Variants in AGTPBP1 observed in about 807,000 individuals in gnomAD.
AGTPBP1 encodes cytosolic carboxypeptidase 1.
A neutral mutation model predicts 143.9 loss-of-function variants in AGTPBP1; 70 were observed. That is an observed-to-expected ratio of 0.49 (90% CI 0.40 to 0.59). AGTPBP1 has a LOEUF of 0.59. AGTPBP1 is among the 20% of genes least tolerant of loss of function. The pLI, the probability that AGTPBP1 is intolerant of heterozygous loss-of-function variation, is 0.00. For missense variants in AGTPBP1, 1,229 were observed against 1,464.5 expected (o/e 0.84, Z 2.62); for synonymous variants, 463 against 500.2 (o/e 0.93, Z 0.99).
intron 25 of AGTPBP1, among the ~76,000 whole-genome samples, chr9:85,553,569 T>TCC (rs1366321484): frequency 6.6e-6 from 1 of 152,198 alleles, no homozygotes; most frequent in African/African-American, 2.4e-5. Flanking sequence ...CGGGACATAA[T>TCC]CCCACTGTAA....
At chr9:85,802,926 A>G in the AGTPBP1 span, among the ~76,000 whole-genome samples, 10 of 152,384 alleles carry the variant, frequency 6.6e-5, no homozygotes, top group African/African-American at 2.4e-4. Context: ...CATGTTCTAT[A>G]ACTTAATACT....
intron 25 of AGTPBP1, among the ~76,000 whole-genome samples, chr9:85,565,569 A>C (rs1827030443): frequency 6.6e-6 from 1 of 152,210 alleles, no homozygotes; most frequent in Non-Finnish European, 1.5e-5. Flanking sequence ...AGAGAAAAGG[A>C]CAGGGGGGTG....
the AGTPBP1 span, among the ~76,000 whole-genome samples, chr9:85,761,156 C>T: frequency 4.6e-5 from 7 of 152,220 alleles, no homozygotes; most frequent in Non-Finnish European, 1.0e-4. Flanking sequence ...ATTCCATACT[C>T]ATGGGTAGGA....
At chr9:85,646,234 T>C (rs1046785107) in intron 12 of AGTPBP1, 87 bp downstream of exon 12, 136 of 829,622 alleles carry the variant, frequency 1.6e-4, no homozygotes, top group Middle Eastern at 1.4e-3. Context: ...AACCTAAAAT[T>C]ACATATATAT....
intron 2 of AGTPBP1, among the ~76,000 whole-genome samples, chr9:85,707,508 C>A (rs1330304042): frequency 4.0e-5 from 6 of 151,336 alleles, no homozygotes; most frequent in Non-Finnish European, 1.5e-5. Context: ...GAAAAAAAAA[C>A]AAAACACTAA....
chr9:85,717,312 T>A (rs1837769695), intron 1 of AGTPBP1, among the ~76,000 whole-genome samples: 1 of 152,116 alleles, frequency 6.6e-6, no homozygotes, highest in Non-Finnish European at 1.5e-5. Flanking sequence ...AAGACCAGCC[T>A]GGGCAATATA....
At chr9:85,663,037 C>T (rs1012439212) in intron 8 of AGTPBP1, among the ~76,000 whole-genome samples, 20 of 152,146 alleles carry the variant, frequency 1.3e-4, no homozygotes, top group African/African-American at 4.3e-4. Flanking sequence ...CACAGGGAGA[C>T]AGAACCTAGG....
At chr9:85,574,513 C>T (rs1270605529) in intron 25 of AGTPBP1, among the ~76,000 whole-genome samples, 3 of 150,030 alleles carry the variant, frequency 2.0e-5, no homozygotes, top group Non-Finnish European at 3.0e-5. Flanking sequence ...TCTGAGCCTA[C>T]AGCTTATCAA....
chr9:85,736,921 G>A (rs1224426862), intron 1 of AGTPBP1, among the ~76,000 whole-genome samples: 4 of 152,074 alleles, frequency 2.6e-5, no homozygotes, highest in East Asian at 1.9e-4. Flanking sequence ...CCTGGCTAAC[G>A]CGGTGAAACC....
chr9:85,589,983 A>G (rs1828855239), intron 19 of AGTPBP1, among the ~76,000 whole-genome samples: 1 of 152,200 alleles, frequency 6.6e-6, no homozygotes, highest in Non-Finnish European at 1.5e-5. Context: ...TCAATATTCT[A>G]AATAAACTCA....
At chr9:85,703,627 A>C (rs1836808588) in intron 2 of AGTPBP1, among the ~76,000 whole-genome samples, 1 of 152,244 alleles carries the variant, frequency 6.6e-6, no homozygotes, top group Non-Finnish European at 1.5e-5. Context: ...CTAGAGGATG[A>C]AAAGATTTGC....
Position 85,588,288 on chromosome 9 carries a change from C to T in AGTPBP1, c.2903+10G>A. Reference sequence around the variant, plus strand: ...TCTTGAATATATTCTACAACTATTGCTTAACTTACTTTCCATTGATGACAC... The same window carrying T: ...TCTTGAATATATTCTACAACTATTGTTTAACTTACTTTCCATTGATGACAC... On this transcript the variant is annotated intron_variant, in intron 21 of 25. Transcript: ENST00000357081. The T allele has an allele frequency of 6.3e-7, 1 of 1,588,676 alleles. No individual in the cohort carries two copies. Among genetic ancestry groups the T allele is most frequent in the Non-Finnish European group, 8.6e-7 (1 of 1,166,762 alleles).
At chr9:85,799,109 G>T in the AGTPBP1 span, among the ~76,000 whole-genome samples, 6 of 152,078 alleles carry the variant, frequency 3.9e-5, no homozygotes, top group African/African-American at 1.4e-4. Context: ...GTGATAGTTT[G>T]CTGAGAATGA....
At chr9:85,728,076 C>CATAT (rs60009784) in intron 1 of AGTPBP1, among the ~76,000 whole-genome samples, 2 of 144,110 alleles carry the variant, frequency 1.4e-5, no homozygotes, top group Non-Finnish European at 3.0e-5. Flanking sequence ...CACACACACA[C>CATAT]ATATTTACTT....
chr9:85,791,393 T>G, the AGTPBP1 span: 5 of 151,648 alleles, frequency 3.3e-5, no homozygotes, highest in Non-Finnish European at 5.9e-5. Context: ...AAAAAAAAGT[T>G]ATGTGGTCTG....
Position 85,574,642 on chromosome 9 carries a change from G to A in AGTPBP1, c.3503+673C>T, listed in dbSNP as rs79806316. On this transcript the variant is annotated intron_variant, in intron 25 of 25. Transcript: ENST00000357081. ...CTGTTTCTGATATATATAACCAGAA[G>A]GATACTGGACAGCCATCTGATGTGT... is the stretch of plus-strand genomic sequence containing the variant. Among the ~76,000 whole-genome samples the A allele has an allele frequency of 4.7e-3, 713 of 152,100 alleles. 1 individual carries two copies. Among genetic ancestry groups the A allele is most frequent in the Non-Finnish European group, 7.8e-3 (532 of 67,990 alleles).
At chr9:85,746,750 T>TA (rs1469755618), upstream of AGTPBP1, among the ~76,000 whole-genome samples, 11 of 151,882 alleles carry the variant, frequency 7.2e-5, no homozygotes, top group East Asian at 1.4e-3. Flanking sequence ...CAGGTACTCT[T>TA]ACCACAAAAA....
intron 11 of AGTPBP1, among the ~76,000 whole-genome samples, chr9:85,647,483 T>C (rs1437066441): frequency 6.6e-6 from 1 of 152,014 alleles, no homozygotes; most frequent in Non-Finnish European, 1.5e-5. Context: ...AACTCCAAAA[T>C]ACTATGGGAA....
At chr9:85,593,997 T>G (rs966136271) in intron 18 of AGTPBP1, among the ~76,000 whole-genome samples, 3 of 152,202 alleles carry the variant, frequency 2.0e-5, no homozygotes, top group African/African-American at 7.2e-5. Context: ...CAAATTGATA[T>G]AGTCTTCATT....
Sources: gnomAD v4.1 joint callset for allele counts (sites outside exome capture counted in the v4.1 genomes callset) on GRCh38, gnomAD v4.1.1 for gene constraint, MANE v1.5 for transcripts, NCBI Gene and HGNC (gene_info 2026-07-23, HGNC 2026-07-21) for gene names.